The following RABL6 variants were observed in gnomAD, a reference collection of about 807,000 sequenced individuals.
RABL6 encodes the protein RAB, member RAS oncogene family like 6.
A neutral mutation model predicts 72.9 loss-of-function variants in RABL6; 28 were observed. The observed-to-expected ratio is 0.38, with a 90% confidence interval of 0.28 to 0.53. The LOEUF is 0.53. Ranked by LOEUF, RABL6 falls within the 20% of genes least tolerant of loss-of-function variation. The probability of loss-of-function intolerance (pLI) is 0.80; values close to 1 mark genes in which losing one functional copy is unlikely to be tolerated. For missense variants in RABL6, 1,029 were observed against 1,008.4 expected (o/e 1.02, Z -0.28); for synonymous variants, 477 against 421.2 (o/e 1.13, Z -1.62).
chr9:136,834,872 G>A (rs1485497088), intron 7 of RABL6, among the ~76,000 whole-genome samples: 2 of 148,382 alleles, frequency 1.3e-5, no homozygotes, highest in South Asian at 2.1e-4. Flanking sequence ...AGGACAGCTC[G>A]AGCCCAGGAG....
intron 1 of RABL6, among the ~76,000 whole-genome samples, chr9:136,818,287 C>G (rs1261449902): frequency 4.4e-5 from 6 of 137,826 alleles, no homozygotes; most frequent in Non-Finnish European, 9.1e-5. Flanking sequence ...GGCGTGAACC[C>G]AGGAGACGGA....
chr9:136,812,062 A>G (rs2131155415), intron 1 of RABL6, among the ~76,000 whole-genome samples: 1 of 152,352 alleles, frequency 6.6e-6, no homozygotes, highest in Non-Finnish European at 1.5e-5. Flanking sequence ...ATTATTTGAA[A>G]TTATTTGGAA....
intron 8 of RABL6, 144 bp downstream of exon 8, chr9:136,835,989 G>A: frequency 1.3e-6 from 1 of 753,822 alleles, no homozygotes; most frequent in East Asian, 2.7e-5. Context: ...ACGGGTGGAG[G>A]AGGACTCAGG....
chr9:136,840,670 C>T lies in RABL6; in HGVS notation c.*148C>T. On this transcript the variant is annotated 3_prime_UTR_variant, in exon 15 of 15. Coordinates refer to ENST00000311502, the MANE Select transcript of RABL6 (RefSeq NM_024718.5). ...GAAGAGGCCGGGCATTGGTGGTCCC[C>T]AGGCTGGGCCCTGCAGGTGCTGGGC... 1 of 1,549,366 alleles carries T rather than the reference C, an allele frequency of 6.5e-7. No individual in the cohort carries two copies. The highest frequency in any genetic ancestry group is 1.2e-5 in the South Asian group (1 of 84,014).
At chr9:136,821,723 C>T in intron 1 of RABL6, 1 of 1,098,932 alleles carries the variant, frequency 9.1e-7, no homozygotes, top group Non-Finnish European at 1.1e-6. Flanking sequence ...CCGCTTGGGG[C>T]TGCTGTGCTC....
chr9:136,833,950 C>A, intron 7 of RABL6: 1 of 1,546,866 alleles, frequency 6.5e-7, no homozygotes, highest in Non-Finnish European at 8.7e-7. Context: ...TCAGCTGCTC[C>A]ATTCCCTAAT....
intron 1 of RABL6, chr9:136,814,750 TAAA>T (rs762218422): frequency 3.5e-5 from 5 of 141,850 alleles, no homozygotes; most frequent in Admixed American, 7.1e-5. Context: ...GACCCTGTCT[TAAA>T]AAAAAAAAAA....
chr9:136,840,616 C>G lies in RABL6; in HGVS notation c.*94C>G. On this transcript the variant is annotated 3_prime_UTR_variant, in exon 15 of 15. Transcript: ENST00000311502. ...CTGTACCATCGCCTTTGCCGCTGCC[C>G]CGTGGCTGCCGTGTGCGCTTCTGAG... 6.5e-7 allele frequency: 1 copy of G among 1,549,700 alleles called. No homozygotes were observed. Among genetic ancestry groups the G allele is most frequent in the Non-Finnish European group, 8.7e-7 (1 of 1,146,866 alleles).
chr9:136,813,727 T>C, intron 1 of RABL6: 1 of 193,356 alleles, frequency 5.2e-6, no homozygotes, highest in Non-Finnish European at 1.1e-5. Context: ...GCCATTTTCC[T>C]GCCTCAGCCT....
rs1311485985 is a variant in RABL6, at chr9:136,840,509, A to ACGAGGAGCTCTAGGC, written c.2180_*4dup. ...GGCCGCCACCCTGGGGGTGGCGACT[A>ACGAGGAGCTCTAGGC]CGAGGAGCTCTAGGCCGGCGTGGGC... On this transcript the variant is annotated stop_gained and inframe_insertion, in exon 15 of 15. Coordinates refer to ENST00000311502, the MANE Select transcript of RABL6 (RefSeq NM_024718.5). LOFTEE classifies it high-confidence loss of function. 9 of 1,531,516 alleles carry ACGAGGAGCTCTAGGC rather than the reference A, an allele frequency of 5.9e-6. No homozygotes were observed. The highest frequency in any genetic ancestry group is 2.1e-4 in the Middle Eastern group (1 of 4,678). The allele number at this position is 1,531,516 out of a possible 1,614,324, so 94.9% of individuals were successfully genotyped here. A position where few individuals can be genotyped will look rare whatever the true frequency, so the allele number is the denominator to read the frequency against.
At chr9:136,817,145 G>GGAGAAGCAGCAC (rs59137352) in intron 1 of RABL6, among the ~76,000 whole-genome samples, 3 of 152,062 alleles carry the variant, frequency 2.0e-5, no homozygotes, top group African/African-American at 7.3e-5. Flanking sequence ...GTCAGCAGCA[G>GGAGAAGCAGCAC]GAGAAGCAGC....
chr9:136,819,048 C>T (rs142972930), intron 1 of RABL6, among the ~76,000 whole-genome samples: 107 of 151,716 alleles, frequency 7.1e-4, no homozygotes, highest in Middle Eastern at 3.4e-3. Flanking sequence ...CCAGGCCGGG[C>T]GCGGTGGCTC....
At chr9:136,816,990 A>T (rs761303095) in intron 1 of RABL6, among the ~76,000 whole-genome samples, 1 of 152,236 alleles carries the variant, frequency 6.6e-6, no homozygotes, top group African/African-American at 2.4e-5. Flanking sequence ...CAATCTTAAG[A>T]CTAGTCAAGA....
At chr9:136,810,932 C>G (rs931622570) in intron 1 of RABL6, among the ~76,000 whole-genome samples, 5 of 152,312 alleles carry the variant, frequency 3.3e-5, no homozygotes, top group African/African-American at 9.6e-5. Flanking sequence ...GTGAGAGTTT[C>G]TGGGAACTGC....
chr9:136,825,089 C>G lies in RABL6; in HGVS notation c.266-690C>G, dbSNP rs1588358772. On this transcript the variant is annotated intron_variant, in intron 2 of 14. Transcript: ENST00000311502. Reference sequence around the variant, plus strand: ...AGCACGCCCCACAACAGAGCACAGTCATGGGAGCTCAGGAGGAGTGGTTGG... The same window carrying G: ...AGCACGCCCCACAACAGAGCACAGTGATGGGAGCTCAGGAGGAGTGGTTGG... Among the ~76,000 whole-genome samples, 4 of 152,364 alleles carry G rather than the reference C, an allele frequency of 2.6e-5. No individual in the cohort carries two copies. The South Asian group carries it at 8.3e-4, about 32-fold the overall frequency.
intron 14 of RABL6, 28 bp downstream of exon 14, chr9:136,840,240 C>G: frequency 6.2e-7 from 1 of 1,612,666 alleles, no homozygotes; most frequent in Non-Finnish European, 8.5e-7. Context: ...TCCTGGCAGG[C>G]CAGGACTGGG....
chr9:136,809,493 C>T, intron 1 of RABL6: 2 of 270,792 alleles, frequency 7.4e-6, no homozygotes, highest in Non-Finnish European at 7.6e-6. Flanking sequence ...AGTTGGTGTC[C>T]GGGCCGGGCA....
At chr9:136,823,087 C>CAA (rs11296242) in intron 1 of RABL6, among the ~76,000 whole-genome samples, 13 of 122,768 alleles carry the variant, frequency 1.1e-4, no homozygotes, top group African/African-American at 2.8e-4. Flanking sequence ...GACTCCGTCT[C>CAA]AAAAAAAAAA....
chr9:136,828,666 C>A, intron 4 of RABL6, 120 bp downstream of exon 4: 2 of 1,057,530 alleles, frequency 1.9e-6, no homozygotes, highest in Non-Finnish European at 2.8e-6. Context: ...GCCACGGGGG[C>A]CGCTGGCCTT....
Sources: allele counts gnomAD v4.1 joint callset (sites outside exome capture counted in the v4.1 genomes callset), GRCh38; gene constraint gnomAD v4.1.1; transcripts MANE v1.5; gene names NCBI Gene and HGNC (gene_info 2026-07-23, HGNC 2026-07-21).